ANGPT2: variants seen among roughly 807,000 people sequenced by gnomAD.
The protein encoded by ANGPT2 is angiopoietin 2, also known as angiopoietin-2.
A neutral mutation model predicts 62.9 loss-of-function variants in ANGPT2; 28 were observed. That is an observed-to-expected ratio of 0.44 (90% CI 0.33 to 0.61). The LOEUF is 0.61. Among genes scored for constraint, ANGPT2 ranks in the 20% least tolerant of loss-of-function variants. ANGPT2 has a pLI of 0.03. For missense variants in ANGPT2, 727 were observed against 594.9 expected (o/e 1.22, Z -2.31); for synonymous variants, 284 against 207.8 (o/e 1.37, Z -3.15).
intron 3 of ANGPT2, among the ~76,000 whole-genome samples, chr8:6,526,200 GC>G (rs1563346516): frequency 6.8e-6 from 1 of 147,414 alleles, no homozygotes; most frequent in African/African-American, 2.5e-5. Context: ...TGGGCAGAAG[GC>G]TTAAATTCAG....
rs539922355 is a variant in ANGPT2, at chr8:6,548,208, G to T, written c.288+14439C>A. On this transcript the variant is annotated intron_variant, in intron 1 of 8. Coordinates refer to ENST00000629816, the MANE Select transcript of ANGPT2 (RefSeq NM_001118887.2). ...AGGCGGCACGCTTTGACTTTAGAAG[G>T]CCAAAGTTAGAACCTACGTGAAGGC... Among the ~76,000 whole-genome samples the T allele has an allele frequency of 4.6e-5, 7 of 152,198 alleles. No individual in the cohort carries two copies. The East Asian group carries it at 9.7e-4, about 21-fold the overall frequency.
At chr8:6,523,289 G>T (rs567547718) in intron 3 of ANGPT2, among the ~76,000 whole-genome samples, 1 of 152,088 alleles carries the variant, frequency 6.6e-6, no homozygotes, top group Non-Finnish European at 1.5e-5. Flanking sequence ...GAGCCACCAC[G>T]CCTGGCAGAA....
chr8:6,539,919 G>A (rs1467241988), intron 1 of ANGPT2, among the ~76,000 whole-genome samples: 1 of 152,176 alleles, frequency 6.6e-6, no homozygotes, highest in Non-Finnish European at 1.5e-5. Flanking sequence ...ATCTGATACT[G>A]TATCTAGATA....
chr8:6,532,527 T>G, intron 1 of ANGPT2, 40 bp from the exon 2 acceptor site: 1 of 1,505,162 alleles, frequency 6.6e-7, no homozygotes, highest in Non-Finnish European at 8.9e-7. Context: ...ATTAGTCAAA[T>G]GACCGGAAAC....
intron 6 of ANGPT2, among the ~76,000 whole-genome samples, chr8:6,514,181 A>AT (rs1815763402): frequency 6.6e-6 from 1 of 152,190 alleles, no homozygotes; most frequent in African/African-American, 2.4e-5. Flanking sequence ...ACCTTTAAAA[A>AT]TAAGCTAAGT....
intron 8 of ANGPT2, chr8:6,508,474 G>C (rs3020211): frequency 0.084 from 15,556 of 185,868 alleles, 839 homozygotes; most frequent in African/African-American, 0.16. Flanking sequence ...GACTGTGTCT[G>C]TAAATAAATA....
intron 3 of ANGPT2, among the ~76,000 whole-genome samples, chr8:6,523,132 G>A (rs1429490569): frequency 6.6e-6 from 1 of 151,982 alleles, no homozygotes; most frequent in East Asian, 1.9e-4. Flanking sequence ...CGAGTAGCTG[G>A]GACTACAGGC....
intron 1 of ANGPT2, among the ~76,000 whole-genome samples, chr8:6,542,953 T>C (rs1821877851): frequency 6.6e-6 from 1 of 152,212 alleles, no homozygotes; most frequent in Admixed American, 6.5e-5. Context: ...TGCTGTCCTT[T>C]ATAAGGCCGG....
chr8:6,528,440 T>C (rs768160522), intron 2 of ANGPT2, among the ~76,000 whole-genome samples: 2 of 152,224 alleles, frequency 1.3e-5, no homozygotes, highest in South Asian at 4.1e-4. Context: ...TATATAAAAA[T>C]ATAGATAATT....
In ANGPT2 at chr8:6,508,761, A is replaced by T. The variant is rs796204178; in HGVS notation, c.1327+171T>A. The T allele has an allele frequency of 1.7e-5, 16 of 918,710 alleles. No individual in the cohort carries two copies. In the African/African-American group the frequency reaches 2.7e-4, roughly 15 times the overall value. 56.9% of individuals were successfully genotyped at this position (918,710 alleles called of 1,614,324 possible). On this transcript the variant is annotated intron_variant, in intron 8 of 8. Transcript: ENST00000629816. ...GCTCCATATCATATTCTCACTTAAA[A>T]CTTAGTCTAAAAAAAGTGAAAAACA...
chr8:6,551,823 C>G (rs963720602), intron 1 of ANGPT2, among the ~76,000 whole-genome samples: 5 of 152,128 alleles, frequency 3.3e-5, no homozygotes, highest in African/African-American at 1.2e-4. Context: ...CAGCAAAATA[C>G]AATAACGTAC....
intron 3 of ANGPT2, among the ~76,000 whole-genome samples, chr8:6,525,508 G>C (rs1818173647): frequency 6.6e-6 from 1 of 152,172 alleles, no homozygotes; most frequent in Non-Finnish European, 1.5e-5. Context: ...GGGATTATAG[G>C]CATGAGCCAC....
At chr8:6,552,795 T>C (rs1472427297) in intron 1 of ANGPT2, among the ~76,000 whole-genome samples, 4 of 150,934 alleles carry the variant, frequency 2.7e-5, no homozygotes, top group African/African-American at 9.9e-5. Flanking sequence ...CACTCAACAA[T>C]TGTTCTACAG....
chr8:6,536,049 C>T (rs2129572571), intron 1 of ANGPT2, among the ~76,000 whole-genome samples: 1 of 151,940 alleles, frequency 6.6e-6, no homozygotes, highest in African/African-American at 2.4e-5. Flanking sequence ...AGAGTGAGAC[C>T]TTGTCTCAAA....
chr8:6,504,694 A>G (rs1812924685), intron 8 of ANGPT2, among the ~76,000 whole-genome samples: 1 of 152,184 alleles, frequency 6.6e-6, no homozygotes, highest in Admixed American at 6.5e-5. Flanking sequence ...TAAGGATGCT[A>G]AGATCTATAG....
In ANGPT2 at chr8:6,527,083, A is replaced by G. The variant is rs552921190; in HGVS notation, c.566+472T>C. Among the ~76,000 whole-genome samples the G allele has an allele frequency of 6.6e-5, 10 of 152,354 alleles. No individual in the cohort carries two copies. The East Asian group carries it at 1.5e-3, about 23-fold the overall frequency. On this transcript the variant is annotated intron_variant, in intron 3 of 8. Coordinates refer to ENST00000629816, the MANE Select transcript of ANGPT2 (RefSeq NM_001118887.2). ...TGAGTGAAGCTAAGTCCCCAAGGGC[A>G]AAGGATCTTGGTCAAGTTAATACTG...
At chr8:6,541,832 C>T (rs1821632420) in intron 1 of ANGPT2, among the ~76,000 whole-genome samples, 1 of 151,874 alleles carries the variant, frequency 6.6e-6, no homozygotes, top group South Asian at 2.1e-4. Context: ...GGCGAGACTC[C>T]ATCTCTACAG....
chr8:6,530,566 C>CTTA (rs1819298908), intron 2 of ANGPT2, among the ~76,000 whole-genome samples: 5 of 73,676 alleles, frequency 6.8e-5, no homozygotes, highest in African/African-American at 1.4e-4. Flanking sequence ...TTTGGTCCAA[C>CTTA]CTAATAATTC....
At chr8:6,539,093 A>C (rs1821035468) in intron 1 of ANGPT2, among the ~76,000 whole-genome samples, 1 of 151,356 alleles carries the variant, frequency 6.6e-6, no homozygotes, top group Non-Finnish European at 1.5e-5. Context: ...TGTACTCAGC[A>C]GTACTTCATG....
Sources: allele counts gnomAD v4.1 joint callset (sites outside exome capture counted in the v4.1 genomes callset), GRCh38; gene constraint gnomAD v4.1.1; transcripts MANE v1.5; gene names NCBI Gene and HGNC (gene_info 2026-07-23, HGNC 2026-07-21).